Variants in SYMPK observed in about 807,000 individuals in gnomAD.
SYMPK encodes the protein symplekin.
Under a neutral mutation model 136.4 loss-of-function variants are expected in SYMPK, and 49 were observed. That is an observed-to-expected ratio of 0.36 (90% CI 0.29 to 0.46). SYMPK has a LOEUF of 0.46. Ranked by LOEUF, SYMPK falls within the 20% of genes least tolerant of loss-of-function variation. The pLI, the probability that SYMPK is intolerant of heterozygous loss-of-function variation, is 1.00. For missense variants in SYMPK, 1,365 were observed against 1,690.0 expected (o/e 0.81, Z 3.37); for synonymous variants, 766 against 713.0 (o/e 1.07, Z -1.19).
At chr19:45,842,704 C>T in intron 8 of SYMPK, 1 of 583,776 alleles carries the variant, frequency 1.7e-6, no homozygotes. Context: ...AAGAGAAAAA[C>T]TCACCCTCTC....
At chr19:45,822,674 AG>A (rs1333008707) in intron 21 of SYMPK, 81 bp downstream of exon 21, 6 of 1,171,478 alleles carry the variant, frequency 5.1e-6, no homozygotes, top group Non-Finnish European at 3.8e-6. Context: ...TCTCTCCCTG[AG>A]GGGGGTGCCT....
intron 13 of SYMPK, among the ~76,000 whole-genome samples, chr19:45,829,726 G>C (rs1971125275): frequency 6.6e-6 from 1 of 152,224 alleles, no homozygotes; most frequent in African/African-American, 2.4e-5. Flanking sequence ...TATTTCTAAA[G>C]CTAAATAGTA....
At chr19:45,840,312 CA>C (rs546768442) in intron 9 of SYMPK, among the ~76,000 whole-genome samples, 1,934 of 56,954 alleles carry the variant, frequency 0.034, 21 homozygotes, top group African/African-American at 0.11. Flanking sequence ...GAGACTGTCT[CA>C]AAAAAAAAAA....
intron 3 of SYMPK, 149 bp downstream of exon 3, chr19:45,854,026 C>T (rs1971756852): frequency 6.8e-6 from 5 of 738,036 alleles, no homozygotes; most frequent in Non-Finnish European, 7.0e-6. Flanking sequence ...TTCATGAGAA[C>T]TAGAAGAGCA....
chr19:45,845,231 G>A (rs146451735), intron 7 of SYMPK, among the ~76,000 whole-genome samples: 33 of 151,002 alleles, frequency 2.2e-4, no homozygotes, highest in African/African-American at 7.8e-4. Context: ...TCTCAACTCA[G>A]CCTCCTGAGC....
chr19:45,825,055 G>T (rs1971007415), intron 18 of SYMPK, 116 bp downstream of exon 18: 2 of 1,376,242 alleles, frequency 1.5e-6, no homozygotes, highest in Admixed American at 2.1e-5. Flanking sequence ...TCGGCCCGGG[G>T]TGACCACCCT....
intron 18 of SYMPK, 158 bp from the exon 19 acceptor site, chr19:45,824,033 G>A (rs1970975885): frequency 2.0e-6 from 1 of 493,326 alleles, no homozygotes; most frequent in South Asian, 1.9e-5. Context: ...GGGCAGGAGA[G>A]TCAGAAGAAC....
At chr19:45,848,071 C>A in intron 6 of SYMPK, 70 bp from the exon 7 acceptor site, 1 of 1,500,910 alleles carries the variant, frequency 6.7e-7, no homozygotes, top group Non-Finnish European at 9.0e-7. Flanking sequence ...ATCACCAACA[C>A]CCTCTGCCAA....
intron 1 of SYMPK, among the ~76,000 whole-genome samples, chr19:45,862,235 T>C (rs1014104403): frequency 1.3e-5 from 2 of 152,154 alleles, no homozygotes; most frequent in South Asian, 4.1e-4. Flanking sequence ...TCTTCTTATT[T>C]AAGAACATTT....
intron 10 of SYMPK, among the ~76,000 whole-genome samples, chr19:45,836,410 C>T (rs1971300974): frequency 6.6e-6 from 1 of 151,824 alleles, no homozygotes; most frequent in Non-Finnish European, 1.5e-5. Flanking sequence ...GTGGGCGGAT[C>T]ACGAGGTCAG....
chr19:45,861,982 T>C (rs573833415), intron 1 of SYMPK: 2 of 150,060 alleles, frequency 1.3e-5, no homozygotes, highest in South Asian at 2.1e-4. Context: ...GAGGTGGAGG[T>C]TGCAGTGAAC....
At chr19:45,842,919 G>A (rs1472745006) in intron 8 of SYMPK, 2 of 173,966 alleles carry the variant, frequency 1.1e-5, no homozygotes, top group Non-Finnish European at 2.5e-5. Flanking sequence ...GTTCCACAGT[G>A]AAAAAGGATG....
intron 11 of SYMPK, among the ~76,000 whole-genome samples, chr19:45,834,697 C>T (rs1476176305): frequency 6.6e-6 from 1 of 152,146 alleles, no homozygotes; most frequent in Non-Finnish European, 1.5e-5. Context: ...GATGGTTACA[C>T]TGGTGTGTTC....
chr19:45,848,753 C>T lies in SYMPK; in HGVS notation c.423G>A (p.Leu141=), dbSNP rs1338093202. 1.9e-6 allele frequency: 3 copies of T among 1,613,416 alleles called. No homozygotes were observed. The highest frequency in any genetic ancestry group is 2.5e-6 in the Non-Finnish European group (3 of 1,180,012). Residue 141 remains leucine (L), a synonymous_variant, in exon 6 of 27, where the codon CTG becomes CTA. Transcript: ENST00000245934. Reference sequence around the variant, plus strand: ...TGGGTGGGGAGGGCGCTCTCACCTGCAGGGCCACCTTGTAGAGCTGGGTCA... The same window carrying T: ...TGGGTGGGGAGGGCGCTCTCACCTGTAGGGCCACCTTGTAGAGCTGGGTCA... ...LTMTQLYKVA[L]QWMVKSRVIS... is the part of the protein sequence containing the mutation.
intron 20 of SYMPK, 134 bp downstream of exon 20, chr19:45,823,238 G>T: frequency 1.1e-6 from 1 of 901,616 alleles, no homozygotes; most frequent in Non-Finnish European, 1.8e-6. Context: ...CATGACTTCT[G>T]ACCACAGGCA....
At chr19:45,861,327 T>A (rs1202461067) in intron 1 of SYMPK, among the ~76,000 whole-genome samples, 1 of 152,250 alleles carries the variant, frequency 6.6e-6, no homozygotes, top group Non-Finnish European at 1.5e-5. Flanking sequence ...TTTTGTTTTG[T>A]TCTTTTTTAA....
At chr19:45,838,734 C>A in intron 9 of SYMPK, 119 bp from the exon 10 acceptor site, 2 of 1,133,334 alleles carry the variant, frequency 1.8e-6, no homozygotes, top group Non-Finnish European at 2.4e-6. Context: ...GAGCAAACAG[C>A]GGATGAAGAT....
At chr19:45,841,293 C>CG (rs960093471) in intron 9 of SYMPK, among the ~76,000 whole-genome samples, 4 of 148,986 alleles carry the variant, frequency 2.7e-5, no homozygotes, top group African/African-American at 9.9e-5. Context: ...AATTCCCCCC[C>CG]CACCTTTTTT....
At chr19:45,817,495 G>A (rs1007404874) in intron 23 of SYMPK, among the ~76,000 whole-genome samples, 2 of 142,906 alleles carry the variant, frequency 1.4e-5, no homozygotes, top group Non-Finnish European at 3.0e-5. Context: ...TGAGTGGCGC[G>A]TTTCTTCCTC....
Sources: allele counts gnomAD v4.1 joint callset (sites outside exome capture counted in the v4.1 genomes callset), GRCh38; gene constraint gnomAD v4.1.1; transcripts MANE v1.5; gene names NCBI Gene and HGNC (gene_info 2026-07-23, HGNC 2026-07-21).